The following FAR2 variants were observed in gnomAD, a reference collection of about 807,000 sequenced individuals.
FAR2 encodes epididymis secretory protein Li 81.
A neutral mutation model predicts 56.0 loss-of-function variants in FAR2; 19 were observed. That is an observed-to-expected ratio of 0.34 (90% confidence interval 0.24 to 0.50). The LOEUF (loss-of-function observed/expected upper bound fraction) is 0.50, where lower values mean the gene tolerates loss of function less well. Among genes scored for constraint, FAR2 ranks in the 20% least tolerant of loss-of-function variants. The pLI, the probability that FAR2 is intolerant of heterozygous loss-of-function variation, is 0.98. For synonymous variants in FAR2, 219 were observed against 218.8 expected, an observed-to-expected ratio of 1.00 and a Z score of -0.01; for missense variants, 508 against 642.2, an observed-to-expected ratio of 0.79 and a Z score of 2.26.
rs1263278261 is a variant in FAR2, at chr12:29,212,958, C to T, written c.-38-57454C>T. On this transcript the variant is annotated intron_variant, in intron 1 of 11. Transcript: ENST00000536681. ...GGGCTAAATAATTATTATCATTTTT[C>T]CTTTGTAGTGTCATTCATCCCTTCT... Among the ~76,000 whole-genome samples the T allele has an allele frequency of 2.0e-5, 3 of 152,110 alleles. No homozygotes were observed. In the East Asian group the frequency reaches 5.8e-4, roughly 29 times the overall value.
At position 29,293,344 on chromosome 12, in the gene FAR2, G is replaced by T; in HGVS notation, c.234G>T (p.Lys78Asn). Residue 78 changes from lysine (K) to asparagine (N), a missense_variant, in exon 3 of 12, where the codon AAG becomes AAT. Transcript: ENST00000536681. The part of the protein sequence containing the change: ...VKEVCPNVHE[K>N]IRAIYADLNQ... ...AAGTTTGTCCAAATGTGCATGAGAAGATCAGAGCTATTTATGCAGATCTCA... is the reference window on the plus strand; with the variant it reads ...AAGTTTGTCCAAATGTGCATGAGAATATCAGAGCTATTTATGCAGATCTCA... The T allele has an allele frequency of 6.2e-7, 1 of 1,607,652 alleles. No homozygotes were observed. Among genetic ancestry groups the T allele is most frequent in the Non-Finnish European group, 8.5e-7 (1 of 1,177,710 alleles).
At chr12:29,301,684 AGAAGG>A (rs1949166525) in intron 4 of FAR2, 2 of 152,226 alleles carry the variant, frequency 1.3e-5, no homozygotes, top group African/African-American at 4.8e-5. Flanking sequence ...ATCTGAATTA[AGAAGG>A]GAAGGGAGGA....
chr12:29,259,308 A>C (rs774565253), intron 1 of FAR2, among the ~76,000 whole-genome samples: 6 of 152,206 alleles, frequency 3.9e-5, no homozygotes, highest in Non-Finnish European at 8.8e-5. Context: ...TGCACTGGAC[A>C]ACCTTCACAA....
At chr12:29,262,831 C>G (rs751754947) in intron 1 of FAR2, among the ~76,000 whole-genome samples, 2 of 152,080 alleles carry the variant, frequency 1.3e-5, no homozygotes, top group Non-Finnish European at 2.9e-5. Flanking sequence ...GGACTATGCT[C>G]TCTAATCAAA....
intron 1 of FAR2, among the ~76,000 whole-genome samples, chr12:29,229,536 T>C (rs537155286): frequency 6.6e-6 from 1 of 152,296 alleles, no homozygotes; most frequent in East Asian, 1.9e-4. Flanking sequence ...AAAGACCAAA[T>C]CTATTTGTTA....
chr12:29,291,073 G>A (rs11050174), intron 2 of FAR2, among the ~76,000 whole-genome samples: 1 of 152,020 alleles, frequency 6.6e-6, no homozygotes, highest in Non-Finnish European at 1.5e-5. Context: ...ATTTCATATA[G>A]CATACCTGTA....
intron 4 of FAR2, among the ~76,000 whole-genome samples, chr12:29,306,268 T>C (rs1374501313): frequency 6.6e-6 from 1 of 152,200 alleles, no homozygotes; most frequent in Admixed American, 6.5e-5. Flanking sequence ...AATCTTTCTC[T>C]ATTCAATTCA....
chr12:29,153,517 T>G (rs1591820056), intron 1 of FAR2, among the ~76,000 whole-genome samples: 1 of 152,326 alleles, frequency 6.6e-6, no homozygotes, highest in East Asian at 1.9e-4. Context: ...AGCAGGTGGC[T>G]GGTCATGCCC....
At chr12:29,267,980 A>C (rs899972944) in intron 1 of FAR2, among the ~76,000 whole-genome samples, 2 of 152,200 alleles carry the variant, frequency 1.3e-5, no homozygotes, top group African/African-American at 4.8e-5. Flanking sequence ...GCGTGTCTTC[A>C]GAACTTAGCA....
chr12:29,160,946 A>G (rs1307469954), intron 1 of FAR2, among the ~76,000 whole-genome samples: 1 of 152,192 alleles, frequency 6.6e-6, no homozygotes, highest in Non-Finnish European at 1.5e-5. Context: ...AATTCAACCC[A>G]TAACACCCAG....
chr12:29,256,396 T>C (rs1948317027), intron 1 of FAR2, among the ~76,000 whole-genome samples: 1 of 152,050 alleles, frequency 6.6e-6, no homozygotes, highest in South Asian at 2.1e-4. Flanking sequence ...CTATAATGCC[T>C]AGTCTGGTCT....
At chr12:29,205,118 A>T (rs1947464439) in intron 1 of FAR2, among the ~76,000 whole-genome samples, 1 of 152,166 alleles carries the variant, frequency 6.6e-6, no homozygotes, top group African/African-American at 2.4e-5. Flanking sequence ...TTCATGGAGA[A>T]ATTTGAGGTT....
chr12:29,174,105 G>A (rs756411975), intron 1 of FAR2, among the ~76,000 whole-genome samples: 2 of 152,180 alleles, frequency 1.3e-5, no homozygotes, highest in Non-Finnish European at 2.9e-5. Flanking sequence ...CCCCGAGGGA[G>A]GGAAGTGATC....
At chr12:29,169,695 G>C (rs1403987606) in intron 1 of FAR2, among the ~76,000 whole-genome samples, 7 of 152,198 alleles carry the variant, frequency 4.6e-5, no homozygotes, top group Non-Finnish European at 8.8e-5. Context: ...TGGCGGTTTT[G>C]GAGAGTCACT....
chr12:29,296,034 C>T lies in FAR2; in HGVS notation c.366-987C>T, dbSNP rs191213453. ...CCACCCGCCTCGGCCTCCCAAAGTG[C>T]TGGGATTACAGGCGTGAGCCACCGC... On this transcript the variant is annotated intron_variant, in intron 3 of 11. Transcript: ENST00000536681. 2.6e-3 allele frequency among the ~76,000 whole-genome samples: 390 copies of T among 152,164 alleles called. 5 individuals are homozygous for T. The highest frequency in any genetic ancestry group is 2.1e-3 in the South Asian group (10 of 4,816).
chr12:29,250,644 C>T (rs1948193474), intron 1 of FAR2, among the ~76,000 whole-genome samples: 1 of 152,132 alleles, frequency 6.6e-6, no homozygotes, highest in Non-Finnish European at 1.5e-5. Flanking sequence ...GAAATAATTT[C>T]AAATCAAATC....
chr12:29,177,237 A>G (rs1054687679), intron 1 of FAR2, among the ~76,000 whole-genome samples: 1 of 152,224 alleles, frequency 6.6e-6, no homozygotes, highest in African/African-American at 2.4e-5. Context: ...CCCGAATTTC[A>G]TCAGTCTTAT....
intron 1 of FAR2, among the ~76,000 whole-genome samples, chr12:29,252,915 C>A (rs1229764022): frequency 6.6e-6 from 1 of 152,094 alleles, no homozygotes; most frequent in Non-Finnish European, 1.5e-5. Context: ...ATGAGACTAA[C>A]ATTTAAATTG....
chr12:29,319,684 T>C (rs1949520263), intron 9 of FAR2, among the ~76,000 whole-genome samples: 1 of 152,218 alleles, frequency 6.6e-6, no homozygotes, highest in South Asian at 2.1e-4. Flanking sequence ...ATTTAAATCC[T>C]GGCTTCACCA....
Sources: allele counts gnomAD v4.1 joint callset (sites outside exome capture counted in the v4.1 genomes callset), GRCh38; gene constraint gnomAD v4.1.1; transcripts MANE v1.5; gene names NCBI Gene and HGNC (gene_info 2026-07-23, HGNC 2026-07-21).